The following ITGA11 variants were observed in gnomAD, a reference collection of about 807,000 sequenced individuals.
ITGA11 encodes the protein integrin subunit alpha 11.
ITGA11 carries 97 observed loss-of-function variants against 141.9 expected under a neutral mutation model. The observed-to-expected ratio is 0.68, with a 90% CI of 0.58 to 0.81. The LOEUF (loss-of-function observed/expected upper bound fraction) is 0.81, where lower values mean the gene tolerates loss of function less well. Ranked by LOEUF, ITGA11 falls within the 30% of genes least tolerant of loss-of-function variation. ITGA11 has a pLI of 0.00. For synonymous variants in ITGA11, 658 were observed against 624.6 expected, an observed-to-expected ratio of 1.05 and a Z score of -0.80; for missense variants, 1,387 against 1,559.2, an observed-to-expected ratio of 0.89 and a Z score of 1.86.
chr15:68,331,969 G>T lies in ITGA11; in HGVS notation c.1660C>A (p.Gln554Lys). ...SSIASVRDLN[Q>K]DSYNDVVVGA... is the part of the protein sequence containing the mutation. ...ACCACCACGTCATTGTAGGAATCCT[G>T]GTTGAGGTCTCGAACTGAGGCAATG... Residue 554 changes from glutamine to lysine, a missense_variant, in exon 14 of 30, where the codon CAG (glutamine) becomes AAG (lysine). By Grantham distance (53) the Gln-to-Lys change is moderately conservative. Coordinates refer to ENST00000315757, the MANE Select transcript of ITGA11 (RefSeq NM_001004439.2). The T allele has an allele frequency of 6.2e-7, 1 of 1,613,286 alleles. No homozygotes were observed. The highest frequency in any genetic ancestry group is 8.5e-7 in the Non-Finnish European group (1 of 1,179,672).
rs528702776 is a variant in ITGA11 at position 68,331,076 on chromosome 15, C to T, written c.1806G>A (p.Gln602=). Residue 602 remains glutamine (Q), a synonymous_variant, in exon 15 of 30, where the codon CAG becomes CAA. Transcript: ENST00000315757. ...ITASELATGL[Q]YFGCSIHGQL... ...GCCCGTGGATGCTGCAGCCAAAATA[C>T]TGGAGGCCGGTAGCCAGCTCTGAGG... The T allele has an allele frequency of 1.2e-6, 2 of 1,606,632 alleles. No individual in the cohort carries two copies. Among genetic ancestry groups the T allele is most frequent in the African/African-American group, 2.7e-5 (2 of 74,844 alleles).
At position 68,299,559 on chromosome 15, in the gene ITGA11, A is replaced by G. The variant is rs1370928570; in HGVS notation, c.*3500T>C. The stretch of plus-strand genomic sequence containing the variant: ...ACTAATGGCTGTATTTAAGTCACCC[A>G]AGGCACATTTGGGTGGTGAGGAGAC... On this transcript the variant is annotated 3_prime_UTR_variant, in exon 30 of 30. Transcript: ENST00000315757. The G allele has an allele frequency of 1.3e-5, 2 of 152,196 alleles. No homozygotes were observed. The highest frequency in any genetic ancestry group is 4.8e-5 in the African/African-American group (2 of 41,432). 9.4% of individuals were successfully genotyped at this position (152,196 alleles called of 1,614,324 possible). A position where few individuals can be genotyped will look rare whatever the true frequency, so the allele number is the denominator to read the frequency against.
chr15:68,405,505 G>T (rs1228832659), intron 1 of ITGA11, among the ~76,000 whole-genome samples: 1 of 152,142 alleles, frequency 6.6e-6, no homozygotes, highest in Non-Finnish European at 1.5e-5. Context: ...TGGCCCTGGA[G>T]TGGGGGTTGG....
chr15:68,426,329 C>T (rs887002021), intron 1 of ITGA11, among the ~76,000 whole-genome samples: 5 of 152,138 alleles, frequency 3.3e-5, no homozygotes, highest in East Asian at 3.9e-4. Context: ...TGGGAGCAGG[C>T]GGGGCAGACA....
chr15:68,414,413 G>T (rs1896841900), intron 1 of ITGA11, among the ~76,000 whole-genome samples: 2 of 152,196 alleles, frequency 1.3e-5, no homozygotes, highest in South Asian at 4.1e-4. Context: ...GGGGACATGG[G>T]AGTATAACAG....
chr15:68,378,053 G>A (rs1895770999), intron 2 of ITGA11, among the ~76,000 whole-genome samples: 1 of 152,220 alleles, frequency 6.6e-6, no homozygotes, highest in South Asian at 2.1e-4. Flanking sequence ...CCATTTGCAG[G>A]GCTGTAGAGA....
chr15:68,363,466 C>T (rs549382418), intron 4 of ITGA11, among the ~76,000 whole-genome samples: 1 of 152,284 alleles, frequency 6.6e-6, no homozygotes, highest in East Asian at 1.9e-4. Flanking sequence ...CATCAAGGCA[C>T]CTCATGACTT....
intron 2 of ITGA11, among the ~76,000 whole-genome samples, chr15:68,383,773 A>C (rs529324973): frequency 2.6e-5 from 4 of 152,270 alleles, no homozygotes; most frequent in Admixed American, 2.0e-4. Context: ...TCATGTGGAA[A>C]GCTCCCATTT....
In ITGA11 at chr15:68,432,143, G is replaced by A. The variant is rs1897285767; in HGVS notation, c.-77C>T. 1.8e-6 allele frequency: 2 copies of A among 1,136,838 alleles called. No individual in the cohort carries two copies. Among genetic ancestry groups the A allele is most frequent in the Non-Finnish European group, 1.1e-6 (1 of 876,602 alleles). The allele number at this position is 1,136,838 out of a possible 1,614,324, so 70.4% of individuals were successfully genotyped here. ...AAGCCAGAGCGGCAGCCTCCTCGGC[G>A]CGGCGCCTGCAGCCTGCACTGCGCG... On this transcript the variant is annotated 5_prime_UTR_variant, in exon 1 of 30. Coordinates refer to ENST00000315757, the MANE Select transcript of ITGA11 (RefSeq NM_001004439.2).
In ITGA11 at chr15:68,303,712, C is replaced by T. The variant is rs922196539; in HGVS notation, c.3495+60G>A. On this transcript the variant is annotated intron_variant, in intron 29 of 29. Coordinates refer to ENST00000315757, the MANE Select transcript of ITGA11 (RefSeq NM_001004439.2). This position sits in a 1 kb window ranked among gnomAD's most constrained non-coding sequence, Gnocchi z 5.3. ...GGCAGCGGCCACGAAGTTCCAGGGGCTGGAGCCTGGGCCCACCAGCCAGGA... is the reference window on the plus strand; with the variant it reads ...GGCAGCGGCCACGAAGTTCCAGGGGTTGGAGCCTGGGCCCACCAGCCAGGA... 33 of 1,234,828 alleles carry T rather than the reference C, an allele frequency of 2.7e-5. No individual in the cohort carries two copies. In the Admixed American group the frequency reaches 3.0e-4, roughly 11 times the overall value. The allele number at this position is 1,234,828 out of a possible 1,614,324, so 76.5% of individuals were successfully genotyped here. A position where few individuals can be genotyped will look rare whatever the true frequency, so the allele number is the denominator to read the frequency against.
chr15:68,320,835 A>G lies in ITGA11; in HGVS notation c.2409-443T>C, dbSNP rs374119035. On this transcript the variant is annotated intron_variant, in intron 19 of 29. Transcript: ENST00000315757. Reference sequence around the variant, plus strand: ...CTCTTTATTATCTATGTCATGGTATATATGTTTTCTATCTAAATCATCTCA... The same window carrying G: ...CTCTTTATTATCTATGTCATGGTATGTATGTTTTCTATCTAAATCATCTCA... Among the ~76,000 whole-genome samples the G allele has an allele frequency of 2.2e-4, 33 of 152,362 alleles. No individual in the cohort carries two copies. In the East Asian group the frequency reaches 2.5e-3, roughly 12 times the overall value.
chr15:68,370,689 G>A (rs1262174940), intron 2 of ITGA11, among the ~76,000 whole-genome samples: 3 of 152,186 alleles, frequency 2.0e-5, no homozygotes, highest in African/African-American at 4.8e-5. Flanking sequence ...AGCCCCGAAA[G>A]GCTTTCGATC....
intron 26 of ITGA11, 77 bp downstream of exon 26, chr15:68,310,917 A>T: frequency 9.0e-7 from 1 of 1,108,048 alleles, no homozygotes; most frequent in Middle Eastern, 2.0e-4. Context: ...TTGGGTCGGG[A>T]GGGAAATGGC....
Position 68,426,462 on chromosome 15 carries a change from T to TGGGGAGA in ITGA11, c.52+5546_52+5552dup, listed in dbSNP as rs748213568. Among the ~76,000 whole-genome samples the TGGGGAGA allele has an allele frequency of 2.6e-3, 393 of 151,874 alleles. 1 individual carries two copies. Among genetic ancestry groups the TGGGGAGA allele is most frequent in the Non-Finnish European group, 3.2e-3 (220 of 67,950 alleles). On this transcript the variant is annotated intron_variant, in intron 1 of 29. Transcript: ENST00000315757. ...AGAGCCTGGTGGGCCCTGAGCTGGG[T>TGGGGAGA]GGGGAGAGGGGAGAGGGAGAGACGT...
rs966841434 is a variant in ITGA11, at chr15:68,300,096, T to C, written c.*2963A>G. 2.6e-5 allele frequency: 4 copies of C among 152,238 alleles called. No individual in the cohort carries two copies. The highest frequency in any genetic ancestry group is 9.6e-5 in the African/African-American group (4 of 41,452). 9.4% of individuals were successfully genotyped at this position (152,238 alleles called of 1,614,324 possible). A position where few individuals can be genotyped will look rare whatever the true frequency, so the allele number is the denominator to read the frequency against. On this transcript the variant is annotated 3_prime_UTR_variant, in exon 30 of 30. Coordinates refer to ENST00000315757, the MANE Select transcript of ITGA11 (RefSeq NM_001004439.2). ...AAGATTAGAGAATAGCAGAATATTA[T>C]AGCTATTATGTAATATTAAATCCAG...
intron 7 of ITGA11, 25 bp downstream of exon 7, chr15:68,357,126 T>G (rs185179236): frequency 5.0e-6 from 8 of 1,603,756 alleles, no homozygotes; most frequent in South Asian, 4.5e-5. Context: ...CTAAAAAAAT[T>G]TTTTTTGTTC....
chr15:68,325,019 A>G lies in ITGA11; in HGVS notation c.2322+112T>C, dbSNP rs117518249. 16,864 of 771,130 alleles carry G rather than the reference A, an allele frequency of 0.022. 238 individuals are homozygous for G. The highest frequency in any genetic ancestry group is 0.053 in the Middle Eastern group (201 of 3,812). The allele number at this position is 771,130 out of a possible 1,614,324, so 47.8% of individuals were successfully genotyped here. On this transcript the variant is annotated intron_variant, in intron 18 of 29. Coordinates refer to ENST00000315757, the MANE Select transcript of ITGA11 (RefSeq NM_001004439.2). This position sits in a 1 kb window ranked among gnomAD's most constrained non-coding sequence, Gnocchi z 5.5. Reference sequence around the variant, plus strand: ...CCAGGACAGGAGGTGGGAAGGTGAGATGAGGGATGGTGTCCTCTGTACCCG... The same window carrying G: ...CCAGGACAGGAGGTGGGAAGGTGAGGTGAGGGATGGTGTCCTCTGTACCCG...
intron 4 of ITGA11, among the ~76,000 whole-genome samples, chr15:68,362,692 T>C (rs1464527109): frequency 1.3e-5 from 2 of 151,486 alleles, no homozygotes; most frequent in African/African-American, 4.9e-5. Context: ...GATGGAAGGA[T>C]GATGGATAGA....
chr15:68,337,017 G>A (rs1894382355), intron 11 of ITGA11, among the ~76,000 whole-genome samples: 1 of 152,228 alleles, frequency 6.6e-6, no homozygotes, highest in South Asian at 2.1e-4. Flanking sequence ...ACATGGCCAT[G>A]TATTTAGAGC....
Sources: gnomAD v4.1 joint callset for allele counts (sites outside exome capture counted in the v4.1 genomes callset) on GRCh38, gnomAD v4.1.1 for gene constraint, Gnocchi (gnomAD v3.1) non-coding constraint, MANE v1.5 for transcripts, NCBI Gene and HGNC (gene_info 2026-07-23, HGNC 2026-07-21) for gene names.